The following WASHC2C variants were observed in gnomAD, a reference collection of about 807,000 sequenced individuals.
WASHC2C encodes Vaccinia Penetration Factor.
A neutral mutation model predicts 142.2 loss-of-function variants in WASHC2C; 73 were observed. The ratio of observed to expected loss-of-function variants is 0.51; its 90% CI spans 0.43 to 0.62. The LOEUF (loss-of-function observed/expected upper bound fraction) is 0.62, where lower values mean the gene tolerates loss of function less well. WASHC2C is among the 20% of genes least tolerant of loss of function. WASHC2C has a pLI of 0.00. For synonymous variants in WASHC2C, 337 were observed against 565.5 expected (o/e 0.60, Z 5.73); for missense variants, 969 against 1,531.7 (o/e 0.63, Z 6.13).
chr10:45,776,381 G>A (rs2057083309), intron 21 of WASHC2C, among the ~76,000 whole-genome samples: 1 of 151,816 alleles, frequency 6.6e-6, no homozygotes, highest in Non-Finnish European at 1.5e-5. Context: ...ATGAATTCCA[G>A]GAAAGTCACA....
Position 45,786,648 on chromosome 10 carries a change from C to A in WASHC2C, c.2848C>A (p.Pro950Thr), listed in dbSNP as rs2058065275. Residue 950 changes from proline (P) to threonine (T), a missense_variant, in exon 27 of 31, where the codon CCA becomes ACA. Transcript: ENST00000623400. ...SGLAPFKTKE[P>T]STRIGKIQAN... ...TCTCGCTCCATTTAAAACCAAAGAA[C>A]CATCCACTCGGATCGGGAAGATACA... The A allele has an allele frequency of 6.8e-6, 11 of 1,611,764 alleles. No individual in the cohort carries two copies. The highest frequency in any genetic ancestry group is 9.3e-6 in the Non-Finnish European group (11 of 1,179,756).
intron 21 of WASHC2C, among the ~76,000 whole-genome samples, chr10:45,773,892 CAAAAAAAAAA>C (rs71023148): frequency 3.2e-4 from 10 of 31,086 alleles, no homozygotes; most frequent in African/African-American, 1.1e-3. Flanking sequence ...TACTGCAGGC[CAAAAAAAAAA>C]AAAAAAAAAA....
chr10:45,792,248 T>A lies in WASHC2C; in HGVS notation c.3887-13T>A. 1.9e-6 allele frequency: 3 copies of A among 1,563,802 alleles called. No individual in the cohort carries two copies. The highest frequency in any genetic ancestry group is 1.7e-6 in the Non-Finnish European group (2 of 1,145,900). The stretch of plus-strand genomic sequence containing the variant: ...CCCTCTTCAGCAACTGTTTTTCTTT[T>A]TTCTTTCTAAAGATGACATCTTCTC... On this transcript the variant is annotated splice_polypyrimidine_tract_variant and intron_variant, in intron 30 of 30. Transcript: ENST00000623400.
At chr10:45,786,431 G>A (rs1554890089) in intron 26 of WASHC2C, 181 bp from the exon 27 acceptor site, 14 of 789,244 alleles carry the variant, frequency 1.8e-5, no homozygotes, top group South Asian at 9.6e-5. Context: ...GACAGAGGAG[G>A]AGGCATACGT....
chr10:45,741,843 A>G (rs1309082712), intron 5 of WASHC2C, among the ~76,000 whole-genome samples: 3 of 150,448 alleles, frequency 2.0e-5, no homozygotes, highest in Admixed American at 2.0e-4. Flanking sequence ...TTGTTGCCCA[A>G]GCTGGAGTGG....
In WASHC2C at chr10:45,784,271, T is replaced by TATACACACACAC. The variant is rs1554888948; in HGVS notation, c.2479-291_2479-290insCACACACACATA. On this transcript the variant is annotated intron_variant, in intron 23 of 30. Transcript: ENST00000623400. ...GTGTGTGTATATATATATATATATA[T>TATACACACACAC]ATATATATATATATATATACACATA... is the stretch of plus-strand genomic sequence containing the variant. 1.1e-3 allele frequency among the ~76,000 whole-genome samples: 10 copies of TATACACACACAC among 8,724 alleles called. 1 individual carries two copies. The highest frequency in any genetic ancestry group is 2.1e-3 in the Non-Finnish European group (6 of 2,872). The allele number at this position is 8,724 out of a possible 152,430, so 5.7% of individuals were successfully genotyped here.
chr10:45,768,315 T>C (rs1306396501), intron 19 of WASHC2C, among the ~76,000 whole-genome samples: 2 of 150,930 alleles, frequency 1.3e-5, no homozygotes, highest in African/African-American at 4.9e-5. Context: ...TCTGAATTAA[T>C]CTGGTTGGGG....
intron 11 of WASHC2C, among the ~76,000 whole-genome samples, chr10:45,751,902 G>T (rs1456130129): frequency 6.6e-6 from 1 of 152,084 alleles, no homozygotes; most frequent in African/African-American, 2.4e-5. Flanking sequence ...ACTTGAACCC[G>T]GGAGGCAGAG....
upstream of WASHC2C, chr10:45,727,218 G>T: frequency 1.3e-6 from 2 of 1,502,174 alleles, no homozygotes; most frequent in Non-Finnish European, 1.8e-6. Flanking sequence ...ACGTGAGGCC[G>T]GTCACGCCCC....
chr10:45,790,314 A>G, intron 29 of WASHC2C, 42 bp from the exon 30 acceptor site: 1 of 1,609,358 alleles, frequency 6.2e-7, no homozygotes, highest in Non-Finnish European at 8.5e-7. Context: ...AAAAAGAAAA[A>G]TTGATTTAAC....
chr10:45,730,690 G>A (rs1196497921), intron 3 of WASHC2C, among the ~76,000 whole-genome samples: 1 of 150,794 alleles, frequency 6.6e-6, no homozygotes, highest in Non-Finnish European at 1.5e-5. Flanking sequence ...TGCGATCTCC[G>A]CTCACTGCAA....
At position 45,787,059 on chromosome 10, in the gene WASHC2C, G is replaced by A; in HGVS notation, c.2899G>A (p.Ala967Thr). The A allele has an allele frequency of 6.2e-7, 1 of 1,609,688 alleles. No homozygotes were observed. Among genetic ancestry groups the A allele is most frequent in the Non-Finnish European group, 8.5e-7 (1 of 1,179,036 alleles). Residue 967 changes from alanine (A) to threonine (T), a missense_variant, in exon 28 of 31, where the codon GCC becomes ACC. Physicochemically the swap from Ala to Thr is moderately conservative, Grantham distance 58. Coordinates refer to ENST00000623400, the MANE Select transcript of WASHC2C (RefSeq NM_001330074.2). The part of the protein sequence containing the change: ...IQANLAINPA[A>T]LLPTAASQIS... ...GGCAAATTTAGCGATCAACCCAGCGGCCTTGCTGCCCACAGCGGCTTCCCA... is the reference window on the plus strand; with the variant it reads ...GGCAAATTTAGCGATCAACCCAGCGACCTTGCTGCCCACAGCGGCTTCCCA...
chr10:45,743,337 A>G (rs1346484575), intron 5 of WASHC2C, 53 bp from the exon 6 acceptor site: 7 of 1,610,686 alleles, frequency 4.3e-6, no homozygotes, highest in Non-Finnish European at 5.9e-6. Flanking sequence ...TGGCACATGT[A>G]AGTTTGTTTT....
intron 21 of WASHC2C, among the ~76,000 whole-genome samples, chr10:45,776,393 AC>A (rs1205890923): frequency 1.3e-5 from 2 of 151,532 alleles, no homozygotes; most frequent in African/African-American, 4.9e-5. Context: ...AAAGTCACAA[AC>A]CTCAGTTTCC....
At chr10:45,768,362 G>C (rs1319789320) in intron 19 of WASHC2C, among the ~76,000 whole-genome samples, 2 of 151,650 alleles carry the variant, frequency 1.3e-5, no homozygotes, top group Non-Finnish European at 2.9e-5. Context: ...ATACTCTCTA[G>C]TGGATTTCAG....
chr10:45,763,157 G>T (rs1466350153), intron 17 of WASHC2C, among the ~76,000 whole-genome samples: 1 of 152,126 alleles, frequency 6.6e-6, no homozygotes, highest in African/African-American at 2.4e-5. Context: ...CCTGGGCTCT[G>T]CGAGCCCACC....
rs782409930 is a variant in WASHC2C at position 45,754,969 on chromosome 10, C to A, written c.1274C>A (p.Pro425Gln). Residue 425 changes from proline to glutamine, a missense_variant, in exon 15 of 31, where the codon CCA becomes CAA. Coordinates refer to ENST00000623400, the MANE Select transcript of WASHC2C (RefSeq NM_001330074.2). ...DTDVFGAASVPSLKEPQKPEQ... is the reference protein window; with the variant it reads ...DTDVFGAASVQSLKEPQKPEQ... ...GATGTGTTTGGTGCTGCCTCCGTTC[C>A]ATCACTGAAGGAGCCACAGAAGCCT... The A allele has an allele frequency of 6.8e-6, 11 of 1,611,850 alleles. No homozygotes were observed. The highest frequency in any genetic ancestry group is 9.3e-6 in the Non-Finnish European group (11 of 1,179,874).
At chr10:45,788,846 A>G (rs1331981874) in intron 28 of WASHC2C, 25 bp from the exon 29 acceptor site, 4 of 1,611,922 alleles carry the variant, frequency 2.5e-6, no homozygotes, top group African/African-American at 1.3e-5. Flanking sequence ...TCGTCAGATC[A>G]ATGTATGTTT....
chr10:45,752,797 A>G (rs2053770656), intron 12 of WASHC2C, 91 bp downstream of exon 12: 2 of 858,264 alleles, frequency 2.3e-6, no homozygotes, highest in Non-Finnish European at 1.8e-6. Flanking sequence ...TAGTGGGGGA[A>G]AAACAGTTTC....
Sources: allele counts gnomAD v4.1 joint callset (sites outside exome capture counted in the v4.1 genomes callset), GRCh38; gene constraint gnomAD v4.1.1; transcripts MANE v1.5; gene names NCBI Gene and HGNC (gene_info 2026-07-23, HGNC 2026-07-21).